ADAMTSL1: variants seen among roughly 807,000 people sequenced by gnomAD.
ADAMTSL1 encodes ADAMTS-like protein 1.
A neutral mutation model predicts 201.8 loss-of-function variants in ADAMTSL1; 126 were observed. The observed-to-expected ratio is 0.62, with a 90% CI of 0.54 to 0.72. The LOEUF is 0.72. ADAMTSL1 is among the 30% of genes least tolerant of loss of function. The pLI is 0.00. For synonymous variants in ADAMTSL1, 1,121 were observed against 903.4 expected, an observed-to-expected ratio of 1.24 and a Z score of -4.32; for missense variants, 2,679 against 2,277.8, an observed-to-expected ratio of 1.18 and a Z score of -3.59.
At chr9:18,105,133 A>C (rs1218203204) in intron 1 of ADAMTSL1, among the ~76,000 whole-genome samples, 1 of 152,194 alleles carries the variant, frequency 6.6e-6, no homozygotes, top group Non-Finnish European at 1.5e-5. Context: ...TGAGATGTGT[A>C]AATTCGTACA....
Position 17,908,114 on chromosome 9 carries a change from C to G in ADAMTSL1, c.87+1192C>G, listed in dbSNP as rs966473380. On this transcript the variant is annotated intron_variant, in intron 1 of 29. Transcript: ENST00000680146. ...CCGAGAATGTTGTCTCAGAAGGGCCCGGAGCAGCAGGGATTACTCTCATCA... is the reference window on the plus strand; with the variant it reads ...CCGAGAATGTTGTCTCAGAAGGGCCGGGAGCAGCAGGGATTACTCTCATCA... Among the ~76,000 whole-genome samples, 19 of 152,122 alleles carry G rather than the reference C, an allele frequency of 1.2e-4. 1 individual carries two copies. The highest frequency in any genetic ancestry group is 1.9e-4 in the East Asian group (1 of 5,172).
intron 2 of ADAMTSL1, among the ~76,000 whole-genome samples, chr9:18,361,646 T>G (rs1444489364): frequency 1.3e-5 from 2 of 152,198 alleles, no homozygotes; most frequent in African/African-American, 4.8e-5. Flanking sequence ...CCTAGAGTAC[T>G]TGAAGGAGCA....
chr9:18,337,662 C>T lies in ADAMTSL1; in HGVS notation c.208-167167C>T, dbSNP rs115262726. Among the ~76,000 whole-genome samples the T allele has an allele frequency of 2.3e-3, 344 of 152,266 alleles. 1 individual carries two copies. Among genetic ancestry groups the T allele is most frequent in the African/African-American group, 7.9e-3 (328 of 41,548 alleles). On this transcript the variant is annotated intron_variant, in intron 2 of 29. Coordinates refer to the ADAMTSL1 transcript ENST00000680146. ...CTAGAGTCTGCTTTACTGTTAACTA[C>T]TACACTATGAGCTAAGGTTTAAACT... is the stretch of plus-strand genomic sequence containing the variant.
chr9:18,884,437 T>TTTAGTGTCA (rs1828729139), intron 23 of ADAMTSL1, among the ~76,000 whole-genome samples: 1 of 152,200 alleles, frequency 6.6e-6, no homozygotes. Context: ...TCCACTTTAT[T>TTTAGTGTCA]TTTTCATTTG....
rs183750572 is a variant in ADAMTSL1 at position 18,183,780 on chromosome 9, T to G, written c.207+19799T>G. 1.6e-3 allele frequency among the ~76,000 whole-genome samples: 237 copies of G among 152,340 alleles called. 1 individual carries two copies. The highest frequency in any genetic ancestry group is 4.9e-3 in the African/African-American group (203 of 41,586). On this transcript the variant is annotated intron_variant, in intron 2 of 29. Transcript: ENST00000680146. ...AAAAAAGAATAAACCAGTCTTTATT[T>G]ACAGGTTGGATGACATTGGACGTAA... is the stretch of plus-strand genomic sequence containing the variant.
intron 2 of ADAMTSL1, among the ~76,000 whole-genome samples, chr9:18,306,118 A>C (rs1359640710): frequency 6.6e-6 from 1 of 152,200 alleles, no homozygotes; most frequent in Admixed American, 6.5e-5. Context: ...CTGTTAGGAA[A>C]ACTAACAAAC....
intron 2 of ADAMTSL1, among the ~76,000 whole-genome samples, chr9:18,205,912 G>C (rs1754637036): frequency 6.6e-6 from 1 of 151,766 alleles, no homozygotes; most frequent in Admixed American, 6.6e-5. Flanking sequence ...AAATTAGCCA[G>C]GCATGATGGC....
chr9:18,228,035 C>T (rs1267789452), intron 2 of ADAMTSL1, among the ~76,000 whole-genome samples: 1 of 152,160 alleles, frequency 6.6e-6, no homozygotes, highest in Non-Finnish European at 1.5e-5. Context: ...TTACAAGTGA[C>T]TAACTAACAA....
chr9:18,184,801 A>G (rs1057154103), intron 2 of ADAMTSL1, among the ~76,000 whole-genome samples: 1 of 152,236 alleles, frequency 6.6e-6, no homozygotes, highest in Admixed American at 6.5e-5. Context: ...CCGTATATCT[A>G]AAAATCACGT....
At chr9:18,382,037 G>A (rs1837581041) in intron 2 of ADAMTSL1, among the ~76,000 whole-genome samples, 1 of 152,128 alleles carries the variant, frequency 6.6e-6, no homozygotes, top group Non-Finnish European at 1.5e-5. Context: ...TGCTTCTCCT[G>A]TAGCTGCTGG....
intron 1 of ADAMTSL1, among the ~76,000 whole-genome samples, chr9:18,067,221 C>A (rs1428018920): frequency 6.6e-6 from 1 of 152,162 alleles, no homozygotes; most frequent in South Asian, 2.1e-4. Flanking sequence ...ATGTAAATTT[C>A]ATCAAGTTAT....
intron 1 of ADAMTSL1, among the ~76,000 whole-genome samples, chr9:18,136,618 T>A (rs1826169074): frequency 6.6e-6 from 1 of 151,836 alleles, no homozygotes; most frequent in Non-Finnish European, 1.5e-5. Flanking sequence ...ACAGAGAGGA[T>A]AAGATTTATG....
chr9:18,161,671 G>T (rs1367326685), intron 1 of ADAMTSL1, among the ~76,000 whole-genome samples: 1 of 151,998 alleles, frequency 6.6e-6, no homozygotes, highest in Non-Finnish European at 1.5e-5. Flanking sequence ...CATGAATTTT[G>T]AATGCACCCA....
At chr9:18,072,660 T>A (rs1483288463) in intron 1 of ADAMTSL1, among the ~76,000 whole-genome samples, 5 of 152,204 alleles carry the variant, frequency 3.3e-5, no homozygotes, top group African/African-American at 1.2e-4. Context: ...GAGACAACAT[T>A]GTTCAGACAG....
intron 14 of ADAMTSL1, among the ~76,000 whole-genome samples, chr9:18,709,865 T>C (rs867307398): frequency 2.6e-5 from 4 of 152,254 alleles, no homozygotes; most frequent in Admixed American, 6.5e-5. Context: ...AAATGGAAGA[T>C]GAAGCCTTGT....
At chr9:18,648,599 T>C (rs1005358329) in intron 7 of ADAMTSL1, among the ~76,000 whole-genome samples, 3 of 151,584 alleles carry the variant, frequency 2.0e-5, no homozygotes, top group Admixed American at 2.0e-4. Context: ...ACAAAATCTC[T>C]CAGCATTTGC....
chr9:18,747,868 G>A lies in ADAMTSL1; in HGVS notation c.2007-5430G>A, dbSNP rs574558227. Among the ~76,000 whole-genome samples, 363 of 152,240 alleles carry A rather than the reference G, an allele frequency of 2.4e-3. 3 individuals carry two copies. The highest frequency in any genetic ancestry group is 8.3e-3 in the African/African-American group (343 of 41,542). On this transcript the variant is annotated intron_variant, in intron 15 of 28. Coordinates refer to ENST00000380548, the MANE Select transcript of ADAMTSL1 (RefSeq NM_001040272.6). ...TTTAGGCAGAACTCCAGCACTGTCC[G>A]GGAAACAAAGTGGCAATTAGGAAGC...
At chr9:18,853,087 G>C (rs1188417404) in intron 23 of ADAMTSL1, among the ~76,000 whole-genome samples, 1 of 152,180 alleles carries the variant, frequency 6.6e-6, no homozygotes, top group Non-Finnish European at 1.5e-5. Flanking sequence ...CTGTCCTGGA[G>C]AGTGCTGTTC....
At chr9:18,404,557 A>T (rs1205745052) in intron 2 of ADAMTSL1, among the ~76,000 whole-genome samples, 1 of 152,160 alleles carries the variant, frequency 6.6e-6, no homozygotes, top group South Asian at 2.1e-4. Context: ...CCAATGATGA[A>T]TTCACCCAGG....
Sources: allele counts gnomAD v4.1 joint callset (sites outside exome capture counted in the v4.1 genomes callset), GRCh38; gene constraint gnomAD v4.1.1; transcripts MANE v1.5; gene names NCBI Gene and HGNC (gene_info 2026-07-23, HGNC 2026-07-21).